Variants in IQCJ observed in about 807,000 individuals in gnomAD.
IQCJ encodes IQ motif containing J, also known as IQ domain-containing protein J.
IQCJ carries 9 observed loss-of-function variants against 11.0 expected under a neutral mutation model. That is an observed-to-expected ratio of 0.82 (90% CI 0.49 to 1.43). IQCJ has a LOEUF of 1.43. Ranked by LOEUF, IQCJ falls within the 40% of genes most tolerant of loss-of-function variation. The probability of loss-of-function intolerance (pLI) is 0.00; values close to 1 mark genes in which losing one functional copy is unlikely to be tolerated. For missense variants in IQCJ, 146 were observed against 133.2 expected, an observed-to-expected ratio of 1.10 and a Z score of -0.47; for synonymous variants, 55 against 51.3, an observed-to-expected ratio of 1.07 and a Z score of -0.31.
chr3:159,200,049 A>ATAT (rs1560022977), intron 1 of IQCJ, among the ~76,000 whole-genome samples: 1 of 102,684 alleles, frequency 9.7e-6, no homozygotes, highest in African/African-American at 4.7e-5. Flanking sequence ...TATATATATA[A>ATAT]ATCTAAATTA....
chr3:159,174,898 C>G (rs182607262), intron 1 of IQCJ, among the ~76,000 whole-genome samples: 3 of 151,986 alleles, frequency 2.0e-5, no homozygotes, highest in African/African-American at 7.2e-5. Flanking sequence ...CTCAAGACAA[C>G]GTATTTGAAA....
intron 1 of IQCJ, among the ~76,000 whole-genome samples, chr3:159,195,036 G>A (rs752159013): frequency 6.6e-6 from 1 of 152,052 alleles, no homozygotes; most frequent in African/African-American, 2.4e-5. Context: ...ATTTGAACCC[G>A]GGAGGCGGAG....
intron 1 of IQCJ, among the ~76,000 whole-genome samples, chr3:159,194,420 C>A (rs1723863479): frequency 6.6e-6 from 1 of 152,168 alleles, no homozygotes; most frequent in South Asian, 2.1e-4. Context: ...TTGTACCCAC[C>A]TTGTTTCTGA....
chr3:159,245,393 C>G (rs950786541), intron 1 of IQCJ, among the ~76,000 whole-genome samples: 4 of 151,086 alleles, frequency 2.6e-5, no homozygotes, highest in South Asian at 4.2e-4. Flanking sequence ...TATATTCTAA[C>G]TTGATCAAGG....
intron 1 of IQCJ, among the ~76,000 whole-genome samples, chr3:159,165,105 A>G (rs966558538): frequency 6.6e-6 from 1 of 152,244 alleles, no homozygotes. Context: ...TTTTACTGCT[A>G]TGAAAGAAAG....
chr3:159,074,332 A>T (rs1715777299), intron 1 of IQCJ, among the ~76,000 whole-genome samples: 1 of 152,098 alleles, frequency 6.6e-6, no homozygotes, highest in Admixed American at 6.6e-5. Context: ...AATATGAAGT[A>T]AGGATAAATA....
At chr3:159,249,704 T>A (rs1184278478) in intron 2 of IQCJ, among the ~76,000 whole-genome samples, 1 of 152,238 alleles carries the variant, frequency 6.6e-6, no homozygotes, top group Non-Finnish European at 1.5e-5. Context: ...CTGATGTAAA[T>A]CATCTCAGCT....
intron 1 of IQCJ, among the ~76,000 whole-genome samples, chr3:159,115,332 G>T (rs187874256): frequency 1.3e-5 from 2 of 152,266 alleles, no homozygotes; most frequent in East Asian, 3.9e-4. Flanking sequence ...TGAGAGAATG[G>T]AGGATTGCAT....
At chr3:159,241,638 C>T (rs1473940671) in intron 1 of IQCJ, among the ~76,000 whole-genome samples, 1 of 152,134 alleles carries the variant, frequency 6.6e-6, no homozygotes, top group Non-Finnish European at 1.5e-5. Context: ...TCCAGTGTCC[C>T]TCACATTTCA....
chr3:159,163,723 A>T (rs1722008877), intron 1 of IQCJ, among the ~76,000 whole-genome samples: 1 of 152,114 alleles, frequency 6.6e-6, no homozygotes, highest in Non-Finnish European at 1.5e-5. Context: ...GTAGGATGTG[A>T]TTATCTCTCC....
intron 1 of IQCJ, among the ~76,000 whole-genome samples, chr3:159,180,552 T>C (rs73877526): frequency 0.049 from 7,398 of 151,884 alleles, 698 homozygotes; most frequent in African/African-American, 0.17. Context: ...GATGAATAGA[T>C]AGATGATTGA....
chr3:159,210,518 A>T (rs1206579494), intron 1 of IQCJ, among the ~76,000 whole-genome samples: 1 of 152,292 alleles, frequency 6.6e-6, no homozygotes, highest in Middle Eastern at 3.4e-3. Context: ...GGTGGTGTTT[A>T]TGTCTCTGAC....
At chr3:159,254,866 G>A (rs984100502) in intron 3 of IQCJ, among the ~76,000 whole-genome samples, 1 of 152,118 alleles carries the variant, frequency 6.6e-6, no homozygotes, top group Non-Finnish European at 1.5e-5. Context: ...CTATGTTTTG[G>A]GACTCTGAGG....
intron 1 of IQCJ, among the ~76,000 whole-genome samples, chr3:159,234,738 T>C (rs1021734431): frequency 6.6e-6 from 1 of 151,810 alleles, no homozygotes; most frequent in African/African-American, 2.4e-5. Flanking sequence ...TGAACAAGGG[T>C]GGTAGTGGAG....
chr3:159,228,597 C>T (rs908498750), intron 1 of IQCJ, among the ~76,000 whole-genome samples: 23 of 152,002 alleles, frequency 1.5e-4, no homozygotes, highest in African/African-American at 3.6e-4. Context: ...GAGACCATCC[C>T]GGCTAAAAAC....
intron 1 of IQCJ, among the ~76,000 whole-genome samples, chr3:159,122,471 C>T (rs1381235686): frequency 1.3e-5 from 2 of 152,136 alleles, no homozygotes; most frequent in Admixed American, 6.6e-5. Flanking sequence ...TGACTTCCCT[C>T]GCACATTTTT....
intron 1 of IQCJ, among the ~76,000 whole-genome samples, chr3:159,204,174 T>A (rs1304079433): frequency 1.3e-5 from 2 of 152,224 alleles, no homozygotes; most frequent in Non-Finnish European, 2.9e-5. Context: ...TATAAAGCAA[T>A]GACTGTTTAA....
chr3:159,150,583 AACAC>A (rs373030886), intron 1 of IQCJ, among the ~76,000 whole-genome samples: 166 of 146,144 alleles, frequency 1.1e-3, no homozygotes, highest in South Asian at 5.8e-3. Context: ...CATTGTCCCC[AACAC>A]ACACACACAC....
At chr3:159,174,350 T>C (rs1457657785) in intron 1 of IQCJ, among the ~76,000 whole-genome samples, 1 of 152,136 alleles carries the variant, frequency 6.6e-6, no homozygotes, top group African/African-American at 2.4e-5. Flanking sequence ...AAAATAGCTT[T>C]GAAAATTATT....
Sources: gnomAD v4.1 joint callset for allele counts (sites outside exome capture counted in the v4.1 genomes callset) on GRCh38, gnomAD v4.1.1 for gene constraint, MANE v1.5 for transcripts, NCBI Gene and HGNC (gene_info 2026-07-23, HGNC 2026-07-21) for gene names.